Variants in FHIT observed in about 807,000 individuals in gnomAD.
FHIT encodes the protein fragile histidine triad diadenosine triphosphatase, also known as bis(5'-adenosyl)-triphosphatase.
Under a neutral mutation model 17.9 loss-of-function variants are expected in FHIT, and 19 were observed. The ratio of observed to expected loss-of-function variants is 1.06; its 90% confidence interval spans 0.74 to 1.56. The LOEUF (loss-of-function observed/expected upper bound fraction) is 1.56, where lower values mean the gene tolerates loss of function less well. Ranked by LOEUF, FHIT falls within the 40% of genes most tolerant of loss-of-function variation. The pLI, the probability that FHIT is intolerant of heterozygous loss-of-function variation, is 0.00. For synonymous variants in FHIT, 81 were observed against 69.7 expected (o/e 1.16, Z -0.81); for missense variants, 248 against 189.2 (o/e 1.31, Z -1.82).
At chr3:61,115,854 G>C (rs939993942) in intron 2 of FHIT, among the ~76,000 whole-genome samples, 1 of 152,140 alleles carries the variant, frequency 6.6e-6, no homozygotes, top group Admixed American at 6.5e-5. Flanking sequence ...TCATATGAGA[G>C]ATGCAAGAAT....
intron 5 of FHIT, among the ~76,000 whole-genome samples, chr3:60,482,793 C>T (rs2033668899): frequency 6.6e-6 from 1 of 151,000 alleles, no homozygotes; most frequent in Non-Finnish European, 1.5e-5. Flanking sequence ...GAAAAAAATC[C>T]AAAAGCCAGC....
At chr3:60,126,815 G>A (rs1297377339) in intron 5 of FHIT, among the ~76,000 whole-genome samples, 19 of 152,130 alleles carry the variant, frequency 1.2e-4, no homozygotes, top group Non-Finnish European at 1.9e-4. Flanking sequence ...TTTTCAGAAA[G>A]CCTAGTGTGA....
chr3:60,631,058 G>A (rs979210527), intron 4 of FHIT, among the ~76,000 whole-genome samples: 1 of 151,870 alleles, frequency 6.6e-6, no homozygotes, highest in African/African-American at 2.4e-5. Context: ...TTTCAAAGAG[G>A]AGGCAGATAA....
intron 4 of FHIT, among the ~76,000 whole-genome samples, chr3:60,567,283 C>A (rs1038877754): frequency 3.3e-4 from 50 of 152,024 alleles, no homozygotes; most frequent in Non-Finnish European, 2.9e-4. Flanking sequence ...TGGAACAGAA[C>A]AGAGCCCTCA....
In FHIT at chr3:60,608,701, G is replaced by A. The variant is rs557271716; in HGVS notation, c.-17-71722C>T. 1.8e-4 allele frequency among the ~76,000 whole-genome samples: 27 copies of A among 151,926 alleles called. No individual in the cohort carries two copies. The South Asian group carries it at 4.0e-3, about 22-fold the overall frequency. ...GCCACAATCTAGACTTTGTTTTTAG[G>A]AATATATTTTAGGAATAATAAATAC... On this transcript the variant is annotated intron_variant, in intron 4 of 9. Coordinates refer to ENST00000492590, the MANE Select transcript of FHIT (RefSeq NM_002012.4).
intron 5 of FHIT, among the ~76,000 whole-genome samples, chr3:60,164,845 TA>T (rs1381126705): frequency 2.0e-5 from 3 of 152,128 alleles, no homozygotes; most frequent in Non-Finnish European, 4.4e-5. Flanking sequence ...CTTGCCTAAT[TA>T]TACCTACGTA....
chr3:59,973,504 C>A (rs1184045072), intron 7 of FHIT, among the ~76,000 whole-genome samples: 3 of 152,106 alleles, frequency 2.0e-5, no homozygotes, highest in Non-Finnish European at 2.9e-5. Context: ...CAACCCAATT[C>A]AATCATGTTT....
chr3:61,084,536 G>A (rs2035246588), intron 2 of FHIT, among the ~76,000 whole-genome samples: 1 of 152,080 alleles, frequency 6.6e-6, no homozygotes, highest in African/African-American at 2.4e-5. Context: ...CATATATTAG[G>A]TCATCTTTAA....
intron 5 of FHIT, among the ~76,000 whole-genome samples, chr3:60,282,321 A>G (rs550322973): frequency 4.7e-4 from 72 of 152,270 alleles, no homozygotes; most frequent in Non-Finnish European, 9.7e-4. Flanking sequence ...TTTTTCTTTA[A>G]AAGAACTCTT....
intron 5 of FHIT, among the ~76,000 whole-genome samples, chr3:60,082,397 T>C (rs1703326706): frequency 6.6e-6 from 1 of 152,222 alleles, no homozygotes; most frequent in East Asian, 1.9e-4. Context: ...TAAGTTGATT[T>C]CATGTCTTTG....
chr3:60,731,506 G>C (rs1553711216), intron 4 of FHIT, among the ~76,000 whole-genome samples: 3 of 152,190 alleles, frequency 2.0e-5, no homozygotes, highest in African/African-American at 7.2e-5. Context: ...CTTCTCCCCT[G>C]AGTCTTCCCA....
intron 2 of FHIT, among the ~76,000 whole-genome samples, chr3:61,063,255 C>CAAAAAAAA (rs371077056): frequency 3.1e-5 from 3 of 95,882 alleles, no homozygotes; most frequent in African/African-American, 1.1e-4. Context: ...GACTCTGTCT[C>CAAAAAAAA]AAAAAAAAAA....
intron 2 of FHIT, among the ~76,000 whole-genome samples, chr3:61,101,440 C>T (rs536975082): frequency 6.6e-6 from 1 of 152,144 alleles, no homozygotes; most frequent in East Asian, 1.9e-4. Flanking sequence ...GGTGCCAGTA[C>T]CGTGATGTTT....
At chr3:59,971,517 C>T (rs1174305063) in intron 7 of FHIT, among the ~76,000 whole-genome samples, 2 of 152,012 alleles carry the variant, frequency 1.3e-5, no homozygotes, top group African/African-American at 4.8e-5. Flanking sequence ...TGCTAACCTC[C>T]CATAATCAAT....
intron 5 of FHIT, among the ~76,000 whole-genome samples, chr3:60,330,555 C>T (rs918713154): frequency 2.0e-5 from 3 of 152,332 alleles, no homozygotes; most frequent in Middle Eastern, 3.4e-3. Flanking sequence ...ACCTGTTTAT[C>T]TGCCATGATT....
At chr3:60,895,497 T>A (rs1336485421) in intron 3 of FHIT, among the ~76,000 whole-genome samples, 1 of 152,174 alleles carries the variant, frequency 6.6e-6, no homozygotes, top group Non-Finnish European at 1.5e-5. Context: ...CACTCAATGG[T>A]TTAACACCTA....
intron 4 of FHIT, among the ~76,000 whole-genome samples, chr3:60,588,229 G>T (rs576880432): frequency 6.6e-6 from 1 of 152,122 alleles, no homozygotes; most frequent in South Asian, 2.1e-4. Flanking sequence ...AGCTGAACTT[G>T]ATCATATTTT....
Position 60,186,815 on chromosome 3 carries a change from G to C in FHIT, c.104-172663C>G, listed in dbSNP as rs144808998. 1.6e-4 allele frequency among the ~76,000 whole-genome samples: 24 copies of C among 147,390 alleles called. 1 individual carries two copies. The highest frequency in any genetic ancestry group is 6.0e-4 in the African/African-American group (24 of 40,122). ...GTAGATGGATGTTTTTATTGTATTTGTTTTTTTTTTTAACAAATACCACCA... is the reference window on the plus strand; with the variant it reads ...GTAGATGGATGTTTTTATTGTATTTCTTTTTTTTTTTAACAAATACCACCA... On this transcript the variant is annotated intron_variant, in intron 5 of 9. Transcript: ENST00000492590.
At chr3:60,360,380 A>G (rs532645310) in intron 5 of FHIT, among the ~76,000 whole-genome samples, 1 of 152,276 alleles carries the variant, frequency 6.6e-6, no homozygotes, top group Non-Finnish European at 1.5e-5. Context: ...AAGAGAAAAC[A>G]TGAGAGAAGG....
Sources: allele counts gnomAD v4.1 joint callset (sites outside exome capture counted in the v4.1 genomes callset), GRCh38; gene constraint gnomAD v4.1.1; transcripts MANE v1.5; gene names NCBI Gene and HGNC (gene_info 2026-07-23, HGNC 2026-07-21).